TGFBRAP1: variants seen among roughly 807,000 people sequenced by gnomAD.
TGFBRAP1 encodes transforming growth factor beta receptor associated protein 1, also known as transforming growth factor-beta receptor-associated protein 1.
A neutral mutation model predicts 83.2 loss-of-function variants in TGFBRAP1; 20 were observed. The ratio of observed to expected loss-of-function variants is 0.24; its 90% CI spans 0.17 to 0.35. TGFBRAP1 has a LOEUF of 0.35. Among genes scored for constraint, TGFBRAP1 ranks in the 10% least tolerant of loss-of-function variants. The probability of loss-of-function intolerance (pLI) is 1.00; values close to 1 mark genes in which losing one functional copy is unlikely to be tolerated. For synonymous variants in TGFBRAP1, 415 were observed against 459.8 expected, an observed-to-expected ratio of 0.90 and a Z score of 1.25; for missense variants, 950 against 1,099.4, an observed-to-expected ratio of 0.86 and a Z score of 1.92.
At chr2:105,324,575 T>C (rs1679168185) in intron 1 of TGFBRAP1, among the ~76,000 whole-genome samples, 1 of 152,208 alleles carries the variant, frequency 6.6e-6, no homozygotes, top group African/African-American at 2.4e-5. Context: ...TCGCTTAAAA[T>C]TACAAGCATG....
rs1396544600 is a variant in TGFBRAP1 at position 105,272,887 on chromosome 2, T to G, written c.1940A>C (p.Lys647Thr). The G allele has an allele frequency of 3.7e-6, 6 of 1,608,912 alleles. No individual in the cohort carries two copies. The highest frequency in any genetic ancestry group is 5.1e-6 in the Non-Finnish European group (6 of 1,179,836). The stretch of plus-strand genomic sequence containing the variant: ...AAAGTGGACTCGGTATAAATCAGAT[T>G]TCTGGAGCAGCCGCCGCAGCTTGGC... ...TQAKLRRLLQ[K>T]SDLYRVHFLL... is the part of the protein sequence containing the mutation. Residue 647 changes from lysine to threonine, a missense_variant, in exon 10 of 12, where the codon AAA (lysine) becomes ACA (threonine). Transcript: ENST00000393359.
the TGFBRAP1 span, among the ~76,000 whole-genome samples, chr2:105,251,079 G>T: frequency 1.3e-5 from 2 of 152,148 alleles, no homozygotes; most frequent in East Asian, 3.9e-4. Flanking sequence ...CCGCCACCCC[G>T]TCTGGAAAGT....
intron 2 of TGFBRAP1, among the ~76,000 whole-genome samples, chr2:105,303,467 A>G (rs1678375033): frequency 6.6e-6 from 1 of 152,204 alleles, no homozygotes; most frequent in Non-Finnish European, 1.5e-5. Context: ...TCAAGGAAGC[A>G]ATCAGATTTC....
chr2:105,301,337 C>A (rs1194960779), intron 2 of TGFBRAP1, among the ~76,000 whole-genome samples: 1 of 152,156 alleles, frequency 6.6e-6, no homozygotes, highest in African/African-American at 2.4e-5. Flanking sequence ...GTAAGCCCAG[C>A]ACTTTGGGAG....
intron 11 of TGFBRAP1, chr2:105,267,897 G>A: frequency 6.1e-6 from 6 of 984,720 alleles, no homozygotes; most frequent in Non-Finnish European, 7.2e-6. Context: ...GAATGTTAAT[G>A]CTGAATGAGA....
rs560455687 is a variant in TGFBRAP1, at chr2:105,267,245, G to A, written c.*138C>T. On this transcript the variant is annotated 3_prime_UTR_variant, in exon 12 of 12. Transcript: ENST00000393359. ...GTCAGCAGCGAGGAGTCCTTGTTGC[G>A]TATGGACGGAAGGCTCCCTGGCACC... The A allele has an allele frequency of 1.0e-4, 118 of 1,129,318 alleles. No individual in the cohort carries two copies. Among genetic ancestry groups the A allele is most frequent in the East Asian group, 2.1e-4 (8 of 38,902 alleles). The allele number at this position is 1,129,318 out of a possible 1,614,324, so 70.0% of individuals were successfully genotyped here.
chr2:105,317,506 T>A (rs1678922562), intron 1 of TGFBRAP1, among the ~76,000 whole-genome samples: 1 of 151,940 alleles, frequency 6.6e-6, no homozygotes, highest in South Asian at 2.1e-4. Flanking sequence ...TGATTAATAT[T>A]CTTAAGTATA....
the TGFBRAP1 span, among the ~76,000 whole-genome samples, chr2:105,256,164 A>C: frequency 6.6e-6 from 1 of 152,242 alleles, no homozygotes; most frequent in Non-Finnish European, 1.5e-5. Context: ...GCAGAATACC[A>C]GAAGGAAATG....
In TGFBRAP1 at chr2:105,269,623, G is replaced by A. The variant is rs1320645322; in HGVS notation, c.2055C>T (p.Ile685=). 2 of 1,604,636 alleles carry A rather than the reference G, an allele frequency of 1.2e-6. No individual in the cohort carries two copies. The highest frequency in any genetic ancestry group is 8.5e-7 in the Non-Finnish European group (1 of 1,173,810). ...CAAAGTCCTGCAGCTCGTGCACCAG[G>A]ATATGCAGCGCCTTCTCATGCTCGC... ...KLGEHEKALH[I]LVHELQDFAA... is the part of the protein sequence containing the mutation. The change falls in exon 11 of 12, where the codon ATC becomes ATT. Residue 685 remains isoleucine (I), a synonymous_variant. Coordinates refer to ENST00000393359, the MANE Select transcript of TGFBRAP1 (RefSeq NM_004257.6). The surrounding 1 kb of genome is among the most constrained non-coding windows in gnomAD (Gnocchi z 4.1).
chr2:105,318,144 C>T (rs145837645), intron 1 of TGFBRAP1, among the ~76,000 whole-genome samples: 77 of 152,200 alleles, frequency 5.1e-4, no homozygotes, highest in African/African-American at 1.6e-3. Context: ...TTTGTGCTTA[C>T]CAGGGCAAAG....
intron 7 of TGFBRAP1, among the ~76,000 whole-genome samples, chr2:105,276,452 G>A (rs1677352416): frequency 6.6e-6 from 1 of 152,096 alleles, no homozygotes; most frequent in Admixed American, 6.5e-5. Flanking sequence ...CCAGAAACAG[G>A]GGTGGCATAT....
At chr2:105,273,139 T>A (rs998677771) in intron 9 of TGFBRAP1, 125 bp from the exon 10 acceptor site, 15 of 1,230,792 alleles carry the variant, frequency 1.2e-5, no homozygotes, top group Non-Finnish European at 1.7e-5. Context: ...AGATGCTCAC[T>A]TGCTGGATCG....
At chr2:105,311,139 G>A (rs1242628310) in intron 1 of TGFBRAP1, among the ~76,000 whole-genome samples, 3 of 139,176 alleles carry the variant, frequency 2.2e-5, no homozygotes, top group Admixed American at 7.5e-5. Context: ...GAGGGAGAGA[G>A]AGCTGTAAAA....
At chr2:105,258,338 T>G in the TGFBRAP1 span, among the ~76,000 whole-genome samples, 98 of 152,236 alleles carry the variant, frequency 6.4e-4, 1 homozygote, top group East Asian at 0.018. Flanking sequence ...GGTGCCTCTG[T>G]GAGGGTGTTT....
chr2:105,281,893 C>T (rs1449166786), intron 5 of TGFBRAP1, among the ~76,000 whole-genome samples: 7 of 151,928 alleles, frequency 4.6e-5, no homozygotes. Flanking sequence ...TGTGCTATGG[C>T]ATCTAGTAGG....
Position 105,273,571 on chromosome 2 carries a change from T to C in TGFBRAP1, c.1785A>G (p.Glu595=). ...KYPKALVKYL[E]HLVIDKRLQK... is the part of the protein sequence containing the mutation. ...GCAGTCTCTTGTCTATCACAAGATG[T>C]TCCAGATACTTCACAAGGGCTTTAG... The change falls in exon 9 of 12, where the codon GAA becomes GAG. Residue 595 remains glutamate, a synonymous_variant. Transcript: ENST00000393359. 6.2e-7 allele frequency: 1 copy of C among 1,614,242 alleles called. No homozygotes were observed. The highest frequency in any genetic ancestry group is 8.5e-7 in the Non-Finnish European group (1 of 1,180,042).
chr2:105,314,408 G>A (rs969583996), intron 1 of TGFBRAP1, among the ~76,000 whole-genome samples: 5 of 151,382 alleles, frequency 3.3e-5, no homozygotes, highest in African/African-American at 9.7e-5. Context: ...CTGCCACCAC[G>A]CCTGGCTAAT....
At chr2:105,270,988 T>G (rs1156263375) in intron 10 of TGFBRAP1, among the ~76,000 whole-genome samples, 1 of 152,258 alleles carries the variant, frequency 6.6e-6, no homozygotes, top group Non-Finnish European at 1.5e-5. Context: ...AATCAGTGTT[T>G]GGATTTCCAG....
At chr2:105,260,637 C>T (rs577636957), downstream of TGFBRAP1, among the ~76,000 whole-genome samples, 6 of 151,864 alleles carry the variant, frequency 4.0e-5, no homozygotes, top group South Asian at 2.1e-4. Context: ...GGTTTCTGTT[C>T]GGGATGATAC....
Sources: gnomAD v4.1 joint callset for allele counts (sites outside exome capture counted in the v4.1 genomes callset) on GRCh38, gnomAD v4.1.1 for gene constraint, Gnocchi (gnomAD v3.1) non-coding constraint, MANE v1.5 for transcripts, NCBI Gene and HGNC (gene_info 2026-07-23, HGNC 2026-07-21) for gene names.